KCNAB1: variants seen among roughly 807,000 people sequenced by gnomAD.
The protein encoded by KCNAB1 is voltage-gated potassium channel subunit beta-1.
In KCNAB1, 35 loss-of-function variants were observed where a neutral mutation model predicts 64.6. That is an observed-to-expected ratio of 0.54 (90% CI 0.41 to 0.72). The LOEUF (loss-of-function observed/expected upper bound fraction) is 0.72. KCNAB1 is among the 30% of genes least tolerant of loss of function. The pLI is 0.00. For missense variants in KCNAB1, 401 were observed against 512.9 expected (o/e 0.78, Z 2.11); for synonymous variants, 177 against 183.8 (o/e 0.96, Z 0.30).
chr3:156,280,681 C>A (rs1400056020), intron 1 of KCNAB1, among the ~76,000 whole-genome samples: 1 of 150,846 alleles, frequency 6.6e-6, no homozygotes, highest in Admixed American at 6.6e-5. Context: ...AGAGGTCCTT[C>A]ACATCCCTTG....
chr3:156,374,000 A>G (rs1377541779), intron 1 of KCNAB1, among the ~76,000 whole-genome samples: 1 of 152,226 alleles, frequency 6.6e-6, no homozygotes, highest in African/African-American at 2.4e-5. Context: ...GGCCAGGGTT[A>G]GATTCTTAGC....
chr3:156,303,125 T>A (rs570050745), intron 1 of KCNAB1, among the ~76,000 whole-genome samples: 2 of 152,358 alleles, frequency 1.3e-5, no homozygotes, highest in African/African-American at 4.8e-5. Flanking sequence ...TAGTTTCCCC[T>A]CTGTGAAGTT....
At chr3:156,148,538 G>C (rs1715190976) in intron 1 of KCNAB1, among the ~76,000 whole-genome samples, 1 of 152,174 alleles carries the variant, frequency 6.6e-6, no homozygotes, top group Non-Finnish European at 1.5e-5. Flanking sequence ...ACTTAATCTT[G>C]TTAAGCCTCA....
At chr3:156,334,664 A>C (rs1014293281) in intron 1 of KCNAB1, among the ~76,000 whole-genome samples, 2 of 152,106 alleles carry the variant, frequency 1.3e-5, no homozygotes, top group African/African-American at 4.8e-5. Context: ...TTTAATCCTT[A>C]ATTTTCCTTT....
intron 1 of KCNAB1, among the ~76,000 whole-genome samples, chr3:156,336,705 A>G (rs925384008): frequency 1.3e-5 from 2 of 152,232 alleles, no homozygotes; most frequent in African/African-American, 4.8e-5. Context: ...TCTTTTGAAC[A>G]AGTGCTTTAT....
intron 1 of KCNAB1, among the ~76,000 whole-genome samples, chr3:156,205,146 G>A (rs889512897): frequency 6.6e-6 from 1 of 152,048 alleles, no homozygotes; most frequent in Non-Finnish European, 1.5e-5. Context: ...TTCTTAGAAA[G>A]AACATTTTCA....
At chr3:156,403,196 G>A (rs1714022914) in intron 1 of KCNAB1, among the ~76,000 whole-genome samples, 1 of 152,202 alleles carries the variant, frequency 6.6e-6, no homozygotes, top group Non-Finnish European at 1.5e-5. Context: ...AATGGTGTGA[G>A]GAAGTAGGAG....
At chr3:156,336,957 TA>T (rs1296978926) in intron 1 of KCNAB1, among the ~76,000 whole-genome samples, 2 of 152,224 alleles carry the variant, frequency 1.3e-5, no homozygotes, top group Non-Finnish European at 2.9e-5. Flanking sequence ...GGACTAGACA[TA>T]AGACCTACTG....
chr3:156,488,143 TG>T (rs1715348869), intron 8 of KCNAB1, among the ~76,000 whole-genome samples: 1 of 152,142 alleles, frequency 6.6e-6, no homozygotes, highest in Non-Finnish European at 1.5e-5. Context: ...GAGTGTCTAC[TG>T]TATACCACAG....
intron 9 of KCNAB1, 151 bp from the exon 10 acceptor site, chr3:156,514,949 G>T (rs1033519966): frequency 1.6e-6 from 1 of 619,464 alleles, no homozygotes; most frequent in Non-Finnish European, 2.5e-6. Context: ...TAGTGAAATC[G>T]GTGGTGACAA....
intron 1 of KCNAB1, among the ~76,000 whole-genome samples, chr3:156,383,972 A>C (rs916413668): frequency 3.9e-5 from 6 of 152,146 alleles, no homozygotes; most frequent in Non-Finnish European, 8.8e-5. Flanking sequence ...CAGCTAGACA[A>C]GATGTCATTT....
chr3:156,174,937 T>C (rs1712252423), intron 1 of KCNAB1, among the ~76,000 whole-genome samples: 1 of 152,212 alleles, frequency 6.6e-6, no homozygotes, highest in Non-Finnish European at 1.5e-5. Flanking sequence ...AGTCTACAAG[T>C]GGAATTCTTC....
upstream of KCNAB1, among the ~76,000 whole-genome samples, chr3:156,120,354 C>G (rs1450119332): frequency 6.6e-6 from 1 of 152,184 alleles, no homozygotes; most frequent in African/African-American, 2.4e-5. Context: ...TTCAGTATTA[C>G]AAAGTTGTTG....
chr3:156,254,420 T>C (rs1576648822), intron 1 of KCNAB1, among the ~76,000 whole-genome samples: 1 of 152,140 alleles, frequency 6.6e-6, no homozygotes, highest in African/African-American at 2.4e-5. Flanking sequence ...TGGTGAGGAA[T>C]GGTTAGGCTT....
intron 1 of KCNAB1, among the ~76,000 whole-genome samples, chr3:156,137,387 C>T (rs1714416453): frequency 6.6e-6 from 1 of 152,066 alleles, no homozygotes; most frequent in African/African-American, 2.4e-5. Context: ...TGTTGTACTC[C>T]CATGCACTGT....
rs557251213 is a variant in KCNAB1 at position 156,229,122 on chromosome 3, T to G, written c.275+108236T>G. ...CTCTGTTTTAAAAAGAACAAGACTA[T>G]TTTTCTTTCTATGGTGTATTAGTTC... On this transcript the variant is annotated intron_variant, in intron 1 of 13. Coordinates refer to ENST00000490337, the MANE Select transcript of KCNAB1 (RefSeq NM_172160.3). Among the ~76,000 whole-genome samples, 13 of 152,340 alleles carry G rather than the reference T, an allele frequency of 8.5e-5. 1 individual carries two copies. Among genetic ancestry groups the G allele is most frequent in the African/African-American group, 2.6e-4 (11 of 41,590 alleles).
intron 1 of KCNAB1, among the ~76,000 whole-genome samples, chr3:156,391,861 G>T (rs377351539): frequency 1.2e-4 from 19 of 152,292 alleles, no homozygotes; most frequent in African/African-American, 4.6e-4. Context: ...GGGAGAAAAA[G>T]AGATCATCAT....
At chr3:156,306,629 A>G (rs540826745) in intron 1 of KCNAB1, among the ~76,000 whole-genome samples, 132 of 152,328 alleles carry the variant, frequency 8.7e-4, no homozygotes, top group African/African-American at 3.0e-3. Flanking sequence ...CATTTCCCAG[A>G]TTAAGCTGAG....
At chr3:156,172,772 T>G (rs200197355) in intron 1 of KCNAB1, among the ~76,000 whole-genome samples, 1 of 152,128 alleles carries the variant, frequency 6.6e-6, no homozygotes, top group South Asian at 2.1e-4. Context: ...CTGAGATAGG[T>G]CCTGGAAAGT....
Sources: allele counts gnomAD v4.1 joint callset (sites outside exome capture counted in the v4.1 genomes callset), GRCh38; gene constraint gnomAD v4.1.1; transcripts MANE v1.5; gene names NCBI Gene and HGNC (gene_info 2026-07-23, HGNC 2026-07-21).